Variants in IL6ST observed in about 807,000 individuals in gnomAD.
The protein encoded by IL6ST is interleukin 6 cytokine family signal transducer.
A neutral mutation model predicts 91.3 loss-of-function variants in IL6ST; 24 were observed. That is an observed-to-expected ratio of 0.26 (90% confidence interval 0.19 to 0.37). IL6ST has a LOEUF of 0.37. Ranked by LOEUF, IL6ST falls within the 10% of genes least tolerant of loss-of-function variation. The probability of loss-of-function intolerance (pLI) is 1.00; values close to 1 mark genes in which losing one functional copy is unlikely to be tolerated. For synonymous variants in IL6ST, 351 were observed against 373.6 expected (o/e 0.94, Z 0.70); for missense variants, 914 against 1,078.5 (o/e 0.85, Z 2.14).
At chr5:55,956,974 G>A (rs1010976177) in intron 9 of IL6ST, among the ~76,000 whole-genome samples, 6 of 152,110 alleles carry the variant, frequency 3.9e-5, no homozygotes, top group Middle Eastern at 3.4e-3. Flanking sequence ...CCTGGCCACC[G>A]TGGTGAAACC....
chr5:55,985,297 C>T (rs1477207385), intron 1 of IL6ST, among the ~76,000 whole-genome samples: 1 of 151,996 alleles, frequency 6.6e-6, no homozygotes, highest in Non-Finnish European at 1.5e-5. Flanking sequence ...GGGTAGATCA[C>T]CTGAGTTCAG....
chr5:55,990,963 C>A (rs978317962), intron 1 of IL6ST, among the ~76,000 whole-genome samples: 1 of 147,322 alleles, frequency 6.8e-6, no homozygotes, highest in African/African-American at 2.5e-5. Context: ...TTGTTCAATT[C>A]TCACCTATGA....
intron 9 of IL6ST, 22 bp downstream of exon 9, chr5:55,957,187 A>T: frequency 8.0e-7 from 1 of 1,245,486 alleles, no homozygotes; most frequent in Non-Finnish European, 1.1e-6. Flanking sequence ...ATAAGAGATA[A>T]AATATAAATG....
intron 10 of IL6ST, among the ~76,000 whole-genome samples, chr5:55,955,548 C>T (rs985761128): frequency 2.6e-5 from 4 of 152,130 alleles, no homozygotes; most frequent in Admixed American, 6.5e-5. Context: ...TACAGATAAA[C>T]GTTTCAGTCA....
At position 55,947,561 on chromosome 5, in the gene IL6ST, C is replaced by T. The variant is rs1272173335; in HGVS notation, c.1869G>A (p.Val623=). ...TCAATAGGAATGCTAAGCAAACAGG[C>T]ACGACTATGGCTTCAATTTCTCCTT... ...FAQGEIEAIV[V]PVCLAFLLTT... The change falls in exon 15 of 17, where the codon GTG becomes GTA. Residue 623 remains valine (V), a synonymous_variant. Coordinates refer to ENST00000381298, the MANE Select transcript of IL6ST (RefSeq NM_002184.4). The T allele has an allele frequency of 1.4e-6, 2 of 1,397,694 alleles. No individual in the cohort carries two copies. The highest frequency in any genetic ancestry group is 1.3e-5 in the South Asian group (1 of 78,698). 86.6% of individuals were successfully genotyped at this position (1,397,694 alleles called of 1,614,324 possible).
At chr5:55,978,856 T>TA (rs35883910) in intron 2 of IL6ST, among the ~76,000 whole-genome samples, 141,049 of 152,284 alleles carry the variant, frequency 0.93, 65,641 homozygotes, top group African/African-American at 0.98. Flanking sequence ...AATTAGACCT[T>TA]AAAACAAACA....
At chr5:55,944,569 C>T in intron 15 of IL6ST, 1 of 516,462 alleles carries the variant, frequency 1.9e-6, no homozygotes, top group Non-Finnish European at 3.6e-6. Flanking sequence ...AAGAAATAAA[C>T]CAGGTTCACG....
chr5:55,973,293 T>G (rs540163533), intron 3 of IL6ST, among the ~76,000 whole-genome samples: 1 of 152,298 alleles, frequency 6.6e-6, no homozygotes, highest in Non-Finnish European at 1.5e-5. Context: ...TCACGCATAC[T>G]CTTTTCATGA....
At chr5:55,969,015 G>A (rs145464529) in intron 4 of IL6ST, among the ~76,000 whole-genome samples, 5 of 152,202 alleles carry the variant, frequency 3.3e-5, no homozygotes, top group Middle Eastern at 3.4e-3. Flanking sequence ...CCAACATGGC[G>A]AAACCCCATT....
rs1752768234 is a variant in IL6ST, at chr5:55,968,528, A to G, written c.371-132T>C. On this transcript the variant is annotated intron_variant, in intron 4 of 16. Transcript: ENST00000381298. The stretch of plus-strand genomic sequence containing the variant: ...AAACCCAAGCAAAAAGTATGGACAC[A>G]ATGAAAGGCTGATGACAATTTCTTT... 6 of 730,028 alleles carry G rather than the reference A, an allele frequency of 8.2e-6. No homozygotes were observed. The East Asian group carries it at 1.7e-4, about 20-fold the overall frequency. The allele number at this position is 730,028 out of a possible 1,614,324, so 45.2% of individuals were successfully genotyped here.
Position 55,954,867 on chromosome 5 carries a change from G to A in IL6ST, c.1393C>T (p.Pro465Ser), listed in dbSNP as rs2111701818. Residue 465 changes from proline to serine, a missense_variant, in exon 11 of 17, where the codon CCC (proline) becomes TCC (serine). Physicochemically the swap from Pro to Ser is moderately conservative, Grantham distance 74. Transcript: ENST00000381298. Reference protein sequence around the residue: ...LEWCVLSDKAPCITDWQQEDG... With the variant: ...LEWCVLSDKASCITDWQQEDG... ...TCTTGTTGCCAGTCTGTGATACAGG[G>A]TGCTTTATCTGATAACACACACCAC... is the stretch of plus-strand genomic sequence containing the variant. 6.2e-7 allele frequency: 1 copy of A among 1,613,562 alleles called. No homozygotes were observed. Among genetic ancestry groups the A allele is most frequent in the South Asian group, 1.1e-5 (1 of 90,988 alleles).
At chr5:55,974,170 G>C (rs959832037) in intron 3 of IL6ST, among the ~76,000 whole-genome samples, 6 of 152,142 alleles carry the variant, frequency 3.9e-5, no homozygotes, top group African/African-American at 1.4e-4. Flanking sequence ...TGCCACTGTA[G>C]TCAGATTGGT....
chr5:55,941,174 C>G lies in IL6ST; in HGVS notation c.2665G>C (p.Glu889Gln). 6.2e-7 allele frequency: 1 copy of G among 1,614,140 alleles called. No homozygotes were observed. Among genetic ancestry groups the G allele is most frequent in the Non-Finnish European group, 8.5e-7 (1 of 1,179,990 alleles). ...GTCGCAGCCTCCATGCCAACTGTTT[C>G]AAATCTTTCTACTTGTCCCTCAGTA... ...PGTEGQVERF[E>Q]TVGMEAATDE... The change falls in exon 17 of 17, where the codon GAA becomes CAA. Residue 889 changes from glutamate to glutamine, a missense_variant. Coordinates refer to ENST00000381298, the MANE Select transcript of IL6ST (RefSeq NM_002184.4).
intron 2 of IL6ST, among the ~76,000 whole-genome samples, chr5:55,981,467 G>GC (rs529673480): frequency 1.8e-3 from 276 of 152,054 alleles, no homozygotes; most frequent in African/African-American, 6.4e-3. Context: ...ATATGATGAA[G>GC]CCCCGTCTCT....
chr5:55,961,190 C>A (rs1025816703), intron 7 of IL6ST, among the ~76,000 whole-genome samples: 3 of 152,332 alleles, frequency 2.0e-5, no homozygotes, highest in African/African-American at 7.2e-5. Context: ...CATCTATTAT[C>A]TTTCCTTTTT....
At chr5:55,944,363 C>T (rs1751107984) in intron 15 of IL6ST, among the ~76,000 whole-genome samples, 1 of 152,062 alleles carries the variant, frequency 6.6e-6, no homozygotes, top group East Asian at 1.9e-4. Context: ...TTATCAAAGT[C>T]TCAGTATACA....
chr5:55,938,320 A>T lies in IL6ST; in HGVS notation c.*2762T>A. 5.2e-6 allele frequency: 1 copy of T among 191,562 alleles called. No individual in the cohort carries two copies. Among genetic ancestry groups the T allele is most frequent in the East Asian group, 8.3e-5 (1 of 12,074 alleles). The allele number at this position is 191,562 out of a possible 1,614,324, so 11.9% of individuals were successfully genotyped here. A position where few individuals can be genotyped will look rare whatever the true frequency, so the allele number is the denominator to read the frequency against. On this transcript the variant is annotated 3_prime_UTR_variant, in exon 17 of 17. Transcript: ENST00000381298. Reference sequence around the variant, plus strand: ...TGTTCCCGAGTGCCGACTGATCCATAGTAAAAAAGGACAAGATTAAAATTT... The same window carrying T: ...TGTTCCCGAGTGCCGACTGATCCATTGTAAAAAAGGACAAGATTAAAATTT...
Position 55,994,070 on chromosome 5 carries a change from A to AT in IL6ST, c.-104+713_-104+714insA, listed in dbSNP as rs1444087389. 3 of 147,612 alleles carry AT rather than the reference A, an allele frequency of 2.0e-5. No individual in the cohort carries two copies. In the East Asian group the frequency reaches 5.9e-4, roughly 29 times the overall value. The allele number at this position is 147,612 out of a possible 1,614,324, so 9.1% of individuals were successfully genotyped here. A position where few individuals can be genotyped will look rare whatever the true frequency, so the allele number is the denominator to read the frequency against. ...AGGCAAAAAAAAAAAAAAAAAAAAA[A>AT]GGTGACGTCTTATTTTTAACCTGTG... On this transcript the variant is annotated intron_variant, in intron 1 of 16. Coordinates refer to ENST00000381298, the MANE Select transcript of IL6ST (RefSeq NM_002184.4).
At position 55,952,266 on chromosome 5, in the gene IL6ST, T is replaced by G. The variant is rs764031965; in HGVS notation, c.1536A>C (p.Ala512=). 6.2e-7 allele frequency: 1 copy of G among 1,609,426 alleles called. No homozygotes were observed. Among genetic ancestry groups the G allele is most frequent in the South Asian group, 1.1e-5 (1 of 90,546 alleles). ...TGGACTTACGAGCTTGTTTAAGGTA[T>G]GCCTTTATGGATTCAGGGCTTCCTG... ...DGPGSPESIK[A]YLKQAPPSKG... is the part of the protein sequence containing the mutation. The change falls in exon 12 of 17, where the codon GCA becomes GCC. Residue 512 remains alanine (A), a synonymous_variant. Transcript: ENST00000381298.
Sources: gnomAD v4.1 joint callset for allele counts (sites outside exome capture counted in the v4.1 genomes callset) on GRCh38, gnomAD v4.1.1 for gene constraint, MANE v1.5 for transcripts, NCBI Gene and HGNC (gene_info 2026-07-23, HGNC 2026-07-21) for gene names.